Variants in SOX6 observed in about 807,000 individuals in gnomAD.
SOX6 encodes the protein SRY-box transcription factor 6, also known as transcription factor SOX-6.
In SOX6, 11 loss-of-function variants were observed where a neutral mutation model predicts 97.8. The ratio of observed to expected loss-of-function variants is 0.11; its 90% confidence interval spans 0.07 to 0.19. The LOEUF is 0.19. SOX6 is among the 10% of genes least tolerant of loss of function. The pLI is 1.00. For synonymous variants in SOX6, 360 were observed against 371.4 expected (o/e 0.97, Z 0.35); for missense variants, 810 against 1,039.5 (o/e 0.78, Z 3.04).
At chr11:16,238,735 C>T (rs1024896794) in intron 3 of SOX6, among the ~76,000 whole-genome samples, 21 of 152,016 alleles carry the variant, frequency 1.4e-4, no homozygotes, top group African/African-American at 4.3e-4. Context: ...TACCTATAAG[C>T]AAACACTTAT....
intron 3 of SOX6, among the ~76,000 whole-genome samples, chr11:16,693,442 T>C (rs1445528042): frequency 1.3e-5 from 2 of 152,126 alleles, no homozygotes; most frequent in African/African-American, 4.8e-5. Flanking sequence ...TATCCAGTTT[T>C]TTCATTAATA....
chr11:16,426,565 C>T (rs1049826050), intron 1 of SOX6, among the ~76,000 whole-genome samples: 3 of 152,054 alleles, frequency 2.0e-5, no homozygotes, highest in Non-Finnish European at 4.4e-5. Flanking sequence ...GAAAGGATTC[C>T]GTATTCAATA....
intron 3 of SOX6, among the ~76,000 whole-genome samples, chr11:16,689,203 G>A (rs1218020196): frequency 1.3e-5 from 2 of 152,088 alleles, no homozygotes; most frequent in Admixed American, 6.5e-5. Context: ...GAAGACCCAT[G>A]GGGTACCCTT....
Position 16,402,916 on chromosome 11 carries a change from C to T in SOX6, c.-4-61664G>A, listed in dbSNP as rs1252844179. 9 of 1,419,510 alleles carry T rather than the reference C, an allele frequency of 6.3e-6. No individual in the cohort carries two copies. In the South Asian group the frequency reaches 1.1e-4, roughly 18 times the overall value. The allele number at this position is 1,419,510 out of a possible 1,614,324, so 87.9% of individuals were successfully genotyped here. On this transcript the variant is annotated intron_variant, in intron 1 of 15. Transcript: ENST00000396356. The stretch of plus-strand genomic sequence containing the variant: ...ATTCCAGATTGTCATAAAAAGAACC[C>T]TGTCCTTTCAAAACAAAACCAATTT...
chr11:16,690,389 G>A (rs1201728160), intron 3 of SOX6, among the ~76,000 whole-genome samples: 1 of 151,948 alleles, frequency 6.6e-6, no homozygotes, highest in South Asian at 2.1e-4. Context: ...CTCTTTCATC[G>A]GTTTTATAGA....
intron 3 of SOX6, among the ~76,000 whole-genome samples, chr11:16,249,174 C>T (rs972102299): frequency 2.0e-5 from 3 of 151,978 alleles, no homozygotes; most frequent in African/African-American, 7.2e-5. Flanking sequence ...TTGAATTTCT[C>T]CCCAGAAAAT....
chr11:16,173,185 G>C (rs1304182645), intron 6 of SOX6, among the ~76,000 whole-genome samples: 2 of 151,874 alleles, frequency 1.3e-5, no homozygotes, highest in Non-Finnish European at 2.9e-5. Flanking sequence ...TCTTGAAGTT[G>C]GCATCCACAC....
intron 3 of SOX6, among the ~76,000 whole-genome samples, chr11:16,281,985 A>G (rs899027667): frequency 0.061 from 86 of 1,420 alleles, no homozygotes; most frequent in Admixed American, 0.062. Context: ...AAAATCATGT[A>G]TATATATATA....
At chr11:16,227,964 A>G (rs10832570) in intron 4 of SOX6, among the ~76,000 whole-genome samples, 65,101 of 151,966 alleles carry the variant, frequency 0.43, 14,245 homozygotes, top group South Asian at 0.6. Context: ...TTGGGAGGCC[A>G]AGGCAGGCGG....
chr11:16,201,620 G>GT (rs1443339148), intron 4 of SOX6, among the ~76,000 whole-genome samples: 21 of 144,204 alleles, frequency 1.5e-4, no homozygotes, highest in African/African-American at 4.3e-4. Context: ...TATTTGCAAA[G>GT]TATTTTTTTT....
At chr11:16,063,068 A>G (rs1847997165) in intron 9 of SOX6, among the ~76,000 whole-genome samples, 1 of 151,754 alleles carries the variant, frequency 6.6e-6, no homozygotes, top group South Asian at 2.1e-4. Flanking sequence ...CCTTTCAAGC[A>G]CATATCCAGC....
chr11:16,661,669 T>G (rs557747250), intron 3 of SOX6, among the ~76,000 whole-genome samples: 19 of 152,092 alleles, frequency 1.2e-4, no homozygotes, highest in Non-Finnish European at 2.4e-4. Context: ...CATCTCAGTC[T>G]CCAATGCAGT....
At chr11:16,182,084 A>C (rs775640279) in intron 6 of SOX6, among the ~76,000 whole-genome samples, 5 of 151,828 alleles carry the variant, frequency 3.3e-5, no homozygotes, top group Admixed American at 2.0e-4. Context: ...TTTATACTAC[A>C]CAATCATATA....
chr11:16,586,331 A>C (rs1848093111), intron 4 of SOX6, among the ~76,000 whole-genome samples: 1 of 152,170 alleles, frequency 6.6e-6, no homozygotes, highest in Non-Finnish European at 1.5e-5. Flanking sequence ...AAATTAAAGA[A>C]AAAAAGGAAA....
chr11:16,473,808 TTAAAA>T (rs1693760725), intron 1 of SOX6, among the ~76,000 whole-genome samples: 5 of 152,262 alleles, frequency 3.3e-5, no homozygotes, highest in African/African-American at 1.2e-4. Flanking sequence ...TGGCAATTTC[TTAAAA>T]TAAGACAATG....
intron 1 of SOX6, among the ~76,000 whole-genome samples, chr11:16,376,146 C>G (rs1857637974): frequency 6.6e-6 from 1 of 152,046 alleles, no homozygotes; most frequent in Non-Finnish European, 1.5e-5. Flanking sequence ...CCTGCACATT[C>G]TGCACATGTA....
At chr11:16,410,954 A>G (rs1168620393) in intron 1 of SOX6, among the ~76,000 whole-genome samples, 1 of 151,448 alleles carries the variant, frequency 6.6e-6, no homozygotes, top group Non-Finnish European at 1.5e-5. Context: ...TCCTATGAAC[A>G]ACTTAGGGTA....
intron 12 of SOX6, among the ~76,000 whole-genome samples, chr11:16,029,218 C>T (rs1425038060): frequency 6.6e-6 from 1 of 152,150 alleles, no homozygotes; most frequent in Non-Finnish European, 1.5e-5. Flanking sequence ...GACATGGGCT[C>T]AATAAACAAG....
At chr11:16,213,449 A>T (rs1852283599) in intron 4 of SOX6, among the ~76,000 whole-genome samples, 1 of 152,140 alleles carries the variant, frequency 6.6e-6, no homozygotes, top group Admixed American at 6.5e-5. Flanking sequence ...ATTAAACACA[A>T]TGAAGAATGC....
Sources: gnomAD v4.1 joint callset for allele counts (sites outside exome capture counted in the v4.1 genomes callset) on GRCh38, gnomAD v4.1.1 for gene constraint, MANE v1.5 for transcripts, NCBI Gene and HGNC (gene_info 2026-07-23, HGNC 2026-07-21) for gene names.